Variants in ACACA observed in about 807,000 individuals in gnomAD.
ACACA encodes the protein acetyl-CoA carboxylase alpha, also known as acetyl-CoA carboxylase 1.
Under a neutral mutation model 296.1 loss-of-function variants are expected in ACACA, and 103 were observed. The observed-to-expected ratio is 0.35, with a 90% CI of 0.30 to 0.41. ACACA has a LOEUF of 0.41. Ranked by LOEUF, ACACA falls within the 10% of genes least tolerant of loss-of-function variation. ACACA has a pLI of 1.00. For synonymous variants in ACACA, 953 were observed against 1,038.6 expected (o/e 0.92, Z 1.58); for missense variants, 1,554 against 2,989.7 (o/e 0.52, Z 11.20).
intron 39 of ACACA, among the ~76,000 whole-genome samples, chr17:37,187,145 C>T (rs142907203): frequency 1.2e-4 from 18 of 152,262 alleles, no homozygotes; most frequent in Non-Finnish European, 2.4e-4. Flanking sequence ...CACGCTCTTG[C>T]GCACTCTCTC....
At chr17:37,356,947 C>A (rs2049169779) in intron 1 of ACACA, among the ~76,000 whole-genome samples, 1 of 152,150 alleles carries the variant, frequency 6.6e-6, no homozygotes, top group Non-Finnish European at 1.5e-5. Context: ...AAAAATTTTC[C>A]TAGTCATTGA....
chr17:37,276,743 T>C (rs1199869239), intron 7 of ACACA, among the ~76,000 whole-genome samples: 1 of 152,208 alleles, frequency 6.6e-6, no homozygotes, highest in East Asian at 1.9e-4. Flanking sequence ...TTTCTTAAGG[T>C]TAGCTGCAAA....
chr17:37,149,316 G>A (rs558430621), intron 45 of ACACA, among the ~76,000 whole-genome samples: 13 of 152,106 alleles, frequency 8.5e-5, no homozygotes, highest in South Asian at 2.1e-4. Context: ...GACCACCATC[G>A]GTGCCCTTTT....
intron 47 of ACACA, among the ~76,000 whole-genome samples, chr17:37,128,047 A>C (rs1230012100): frequency 6.7e-6 from 1 of 149,348 alleles, no homozygotes. Context: ...AAAAAAAAAA[A>C]AAAAAAACAG....
chr17:37,244,470 T>C (rs992428178), intron 21 of ACACA, 118 bp downstream of exon 21: 1 of 1,274,814 alleles, frequency 7.8e-7, no homozygotes, highest in African/African-American at 1.5e-5. Flanking sequence ...GGTGAAAGAG[T>C]TCTAGGCCAA....
intron 29 of ACACA, among the ~76,000 whole-genome samples, chr17:37,217,965 T>C (rs896227406): frequency 6.6e-6 from 1 of 151,898 alleles, no homozygotes; most frequent in Non-Finnish European, 1.5e-5. Flanking sequence ...TTCTGTTTTA[T>C]ATTGATAAGT....
At chr17:37,131,134 C>T (rs1207186783) in intron 45 of ACACA, among the ~76,000 whole-genome samples, 2 of 151,840 alleles carry the variant, frequency 1.3e-5, no homozygotes, top group African/African-American at 2.4e-5. Context: ...TCCTTCCCTT[C>T]CCAGGCTCCA....
At chr17:37,389,489 C>T (rs543001575) in intron 1 of ACACA, 35 of 1,310,376 alleles carry the variant, frequency 2.7e-5, no homozygotes, top group East Asian at 1.3e-4. Flanking sequence ...CTGAGGTGAT[C>T]GAGACCAGCC....
At position 37,098,024 on chromosome 17, in the gene ACACA, C is replaced by A. The variant is rs2073096568; in HGVS notation, c.6566-40G>T. On this transcript the variant is annotated intron_variant, in intron 52 of 55. Coordinates refer to ENST00000616317, the MANE Select transcript of ACACA (RefSeq NM_198834.3). ...ACATGCCCGTCACACTCTGTAATGA[C>A]CAGGAATCTCTCTGCACAAAAGCAG... The A allele has an allele frequency of 1.9e-6, 3 of 1,613,396 alleles. No individual in the cohort carries two copies. In the South Asian group the frequency reaches 3.3e-5, roughly 18 times the overall value.
Position 37,260,286 on chromosome 17 carries a change from ATATATATATATTT to A in ACACA, c.1330-769_1330-757del, listed in dbSNP as rs1210465363. ...TATATATATATATATATATATATATATATATATATATTTTTTTTTTTTTTTTTTTTGGAGATGG... is the reference window on the plus strand; with the variant it reads ...TATATATATATATATATATATATATATTTTTTTTTTTTTTTTTGGAGATGG... On this transcript the variant is annotated intron_variant, in intron 11 of 55. Coordinates refer to ENST00000616317, the MANE Select transcript of ACACA (RefSeq NM_198834.3). 2.6e-4 allele frequency among the ~76,000 whole-genome samples: 8 copies of A among 30,896 alleles called. 1 individual carries two copies. The highest frequency in any genetic ancestry group is 1.1e-3 in the African/African-American group (7 of 6,318). The allele number at this position is 30,896 out of a possible 152,430, so 20.3% of individuals were successfully genotyped here.
intron 50 of ACACA, among the ~76,000 whole-genome samples, chr17:37,116,198 G>T (rs992747165): frequency 6.6e-6 from 1 of 152,114 alleles, no homozygotes; most frequent in Non-Finnish European, 1.5e-5. Context: ...TCACCACGTT[G>T]CCCAGACTGG....
At chr17:37,217,761 A>C (rs1383626769) in intron 29 of ACACA, among the ~76,000 whole-genome samples, 2 of 131,282 alleles carry the variant, frequency 1.5e-5, no homozygotes, top group East Asian at 2.1e-4. Context: ...AAAAAAAAAA[A>C]AAACAACCTG....
chr17:37,341,839 A>C (rs1425534348), intron 1 of ACACA, among the ~76,000 whole-genome samples: 1 of 152,172 alleles, frequency 6.6e-6, no homozygotes, highest in Non-Finnish European at 1.5e-5. Context: ...ATTTGATGAA[A>C]GCTATGGACC....
intron 1 of ACACA, among the ~76,000 whole-genome samples, chr17:37,370,362 C>G (rs951250195): frequency 2.0e-5 from 3 of 151,364 alleles, no homozygotes; most frequent in Non-Finnish European, 2.9e-5. Context: ...AAAGAAATTT[C>G]CAGCCCAGAC....
At chr17:37,094,213 T>C (rs1052238840) in intron 54 of ACACA, among the ~76,000 whole-genome samples, 11 of 152,162 alleles carry the variant, frequency 7.2e-5, no homozygotes, top group African/African-American at 2.2e-4. Context: ...AATCCTACTA[T>C]TTCCTACAGT....
chr17:37,341,275 TAA>T (rs2048360562), intron 1 of ACACA, among the ~76,000 whole-genome samples: 2 of 152,080 alleles, frequency 1.3e-5, no homozygotes, highest in Non-Finnish European at 2.9e-5. Flanking sequence ...GAAAATGAAA[TAA>T]GATAGAAAAT....
intron 5 of ACACA, among the ~76,000 whole-genome samples, chr17:37,278,996 T>C (rs913450585): frequency 5.9e-5 from 9 of 152,106 alleles, no homozygotes; most frequent in Non-Finnish European, 1.2e-4. Flanking sequence ...AAGCCCCACA[T>C]GCACTGGTAA....
Position 37,235,062 on chromosome 17 carries a change from C to G in ACACA, c.3159G>C (p.Glu1053Asp). ...GTACAGTGTTCATGTCACTTTTATT[C>G]TCTTCTCGGAGGGCGAATACACATT... The part of the protein sequence containing the change: ...YDKCVFALRE[E>D]NKSDMNTVLN... Residue 1053 changes from glutamate to aspartate, a missense_variant, in exon 25 of 56, where the codon GAG (glutamate) becomes GAC (aspartate). This residue lies in a region of ACACA where 316 missense variants were observed against 540.9 expected (regional missense o/e 0.58). Transcript: ENST00000616317. 6.2e-7 allele frequency: 1 copy of G among 1,613,698 alleles called. No homozygotes were observed. The highest frequency in any genetic ancestry group is 2.2e-5 in the East Asian group (1 of 44,860).
intron 52 of ACACA, among the ~76,000 whole-genome samples, chr17:37,104,853 T>C (rs916662724): frequency 1.0e-4 from 15 of 149,666 alleles, no homozygotes; most frequent in African/African-American, 3.2e-4. Context: ...GGTGGGAGAA[T>C]TGCTTGAGCC....
Sources: allele counts gnomAD v4.1 joint callset (sites outside exome capture counted in the v4.1 genomes callset), GRCh38; gene constraint gnomAD v4.1.1; regional missense constraint gnomAD v4.1.1; transcripts MANE v1.5; gene names NCBI Gene and HGNC (gene_info 2026-07-23, HGNC 2026-07-21).